KYNU: variants seen among roughly 807,000 people sequenced by gnomAD.
The protein encoded by KYNU is kynureninase.
Under a neutral mutation model 59.2 loss-of-function variants are expected in KYNU, and 54 were observed. The observed-to-expected ratio is 0.91, with a 90% confidence interval of 0.73 to 1.14. The LOEUF is 1.14. Ranked by LOEUF, KYNU falls within the 50% of genes most tolerant of loss-of-function variation. KYNU has a pLI of 0.00. For synonymous variants in KYNU, 177 were observed against 192.0 expected, an observed-to-expected ratio of 0.92 and a Z score of 0.65; for missense variants, 567 against 554.4, an observed-to-expected ratio of 1.02 and a Z score of -0.23.
intron 8 of KYNU, among the ~76,000 whole-genome samples, chr2:142,981,205 G>A (rs1185482614): frequency 6.6e-6 from 1 of 152,042 alleles, no homozygotes. Flanking sequence ...TGTACATAAA[G>A]GTTTGTGGTT....
chr2:142,914,216 T>C (rs1270810445), intron 2 of KYNU, among the ~76,000 whole-genome samples: 1 of 152,218 alleles, frequency 6.6e-6, no homozygotes, highest in East Asian at 1.9e-4. Context: ...CTGGGAACTC[T>C]CACTCATCAA....
At chr2:142,910,556 G>A (rs1573778714) in intron 2 of KYNU, among the ~76,000 whole-genome samples, 1 of 152,084 alleles carries the variant, frequency 6.6e-6, no homozygotes, top group African/African-American at 2.4e-5. Flanking sequence ...TTCTTTTGCT[G>A]TGCAGAAGCT....
At chr2:143,025,276 T>G (rs922178839) in intron 10 of KYNU, among the ~76,000 whole-genome samples, 3 of 152,166 alleles carry the variant, frequency 2.0e-5, no homozygotes, top group Non-Finnish European at 4.4e-5. Flanking sequence ...GCTTGTAGAT[T>G]TCTCCCATTT....
chr2:142,956,551 G>A (rs1279916472), intron 6 of KYNU, among the ~76,000 whole-genome samples: 1 of 152,142 alleles, frequency 6.6e-6, no homozygotes, highest in Non-Finnish European at 1.5e-5. Flanking sequence ...ATCAAGTGCA[G>A]TTATAAATGT....
intron 11 of KYNU, among the ~76,000 whole-genome samples, chr2:143,031,493 GC>G (rs1339650091): frequency 6.6e-6 from 1 of 152,124 alleles, no homozygotes; most frequent in Non-Finnish European, 1.5e-5. Flanking sequence ...GGGAGGCAAG[GC>G]AGATGGATCA....
chr2:142,935,202 G>T (rs113402397), intron 4 of KYNU, among the ~76,000 whole-genome samples: 4,240 of 152,274 alleles, frequency 0.028, 112 homozygotes, highest in African/African-American at 0.069. Context: ...CTTTTCAGCT[G>T]GCTGAGTTTA....
intron 13 of KYNU, among the ~76,000 whole-genome samples, chr2:143,041,044 A>G (rs780680920): frequency 2.7e-4 from 41 of 152,084 alleles, no homozygotes; most frequent in Non-Finnish European, 5.4e-4. Context: ...AAGGGTTAAA[A>G]AAGAAAGTCT....
intron 12 of KYNU, among the ~76,000 whole-genome samples, chr2:143,034,635 T>C (rs939022606): frequency 6.6e-6 from 1 of 152,224 alleles, no homozygotes; most frequent in Non-Finnish European, 1.5e-5. Flanking sequence ...ATAGACACAG[T>C]AACGAGATTT....
chr2:142,912,859 G>A lies in KYNU; in HGVS notation c.170-5750G>A, dbSNP rs185739500. On this transcript the variant is annotated intron_variant, in intron 2 of 13. Transcript: ENST00000264170. ...AAATTAGCTGGGACTACAGGTGCCC[G>A]CCACTGCACCTGGCTAATTTTTTTT... is the stretch of plus-strand genomic sequence containing the variant. Among the ~76,000 whole-genome samples, 304 of 151,586 alleles carry A rather than the reference G, an allele frequency of 2.0e-3. 10 individuals carry two copies. The highest frequency in any genetic ancestry group is 0.018 in the Admixed American group (268 of 15,230).
intron 8 of KYNU, among the ~76,000 whole-genome samples, chr2:142,979,328 A>G (rs1415585070): frequency 1.3e-5 from 2 of 152,194 alleles, no homozygotes; most frequent in African/African-American, 2.4e-5. Flanking sequence ...GAGAATAGCT[A>G]TTGACTTTTG....
intron 4 of KYNU, chr2:142,947,296 T>C: frequency 7.1e-7 from 1 of 1,401,274 alleles, no homozygotes; most frequent in Non-Finnish European, 9.7e-7. Flanking sequence ...AACTCACCAC[T>C]ACACACCTGT....
chr2:142,989,350 A>G (rs1685321841), intron 10 of KYNU: 1 of 1,002,572 alleles, frequency 1.0e-6, no homozygotes, highest in Admixed American at 5.3e-5. Flanking sequence ...AGAGCTTTAG[A>G]GAGACCAAAG....
Position 143,042,697 on chromosome 2 carries a change from T to A in KYNU, c.*525T>A, listed in dbSNP as rs953657934. 1.3e-5 allele frequency: 2 copies of A among 149,794 alleles called. No homozygotes were observed. Among genetic ancestry groups the A allele is most frequent in the Non-Finnish European group, 3.0e-5 (2 of 67,510 alleles). The allele number at this position is 149,794 out of a possible 1,614,324, so 9.3% of individuals were successfully genotyped here. On this transcript the variant is annotated 3_prime_UTR_variant, in exon 14 of 14. Coordinates refer to ENST00000264170, the MANE Select transcript of KYNU (RefSeq NM_003937.3). ...TATATATGATAGTGGCTTTCAAATTTTTTTGGGTACAATCCACATTGCTCC... is the reference window on the plus strand; with the variant it reads ...TATATATGATAGTGGCTTTCAAATTATTTTGGGTACAATCCACATTGCTCC...
rs71423257 is a variant in KYNU, at chr2:143,020,716, G to T, written c.903-8911G>T. On this transcript the variant is annotated intron_variant, in intron 10 of 13. Coordinates refer to ENST00000264170, the MANE Select transcript of KYNU (RefSeq NM_003937.3). ...TGTAGACAATTTATAGGTTCCTTTC[G>T]ATCTTGGACTGTTACTAAAAAGATG... Among the ~76,000 whole-genome samples the T allele has an allele frequency of 9.2e-5, 14 of 152,070 alleles. No individual in the cohort carries two copies. In the South Asian group the frequency reaches 2.9e-3, roughly 31 times the overall value.
At position 143,040,561 on chromosome 2, in the gene KYNU, CT is replaced by C; in HGVS notation, c.1176del (p.Pro393ArgfsTer4). 1 of 1,612,934 alleles carries C rather than the reference CT, an allele frequency of 6.2e-7. No homozygotes were observed. Among genetic ancestry groups the C allele is most frequent in the Non-Finnish European group, 8.5e-7 (1 of 1,179,226 alleles). ...ATKKPVVNIITPSHVEERGCQ... is the reference protein window; with the variant it reads ...ATKKPVVNIIXPSHVEERGCQ... The stretch of plus-strand genomic sequence containing the variant: ...AAGAAACCAGTTGTGAACATAATTA[CT>C]CCGTCTCATGTAGAGGAGCGGGGGT... On this transcript the variant is annotated frameshift_variant, in exon 13 of 14. Transcript: ENST00000264170. LOFTEE classifies it high-confidence loss of function.
At chr2:142,973,179 A>G (rs1212374946) in intron 8 of KYNU, among the ~76,000 whole-genome samples, 2 of 151,590 alleles carry the variant, frequency 1.3e-5, no homozygotes, top group Non-Finnish European at 2.9e-5. Flanking sequence ...TCAAAGAAAA[A>G]ATATATAATC....
chr2:142,959,639 C>T (rs988469768), intron 7 of KYNU, among the ~76,000 whole-genome samples: 2 of 151,846 alleles, frequency 1.3e-5, no homozygotes, highest in African/African-American at 2.4e-5. Flanking sequence ...ACAGGATACA[C>T]ATAGGTACTT....
intron 7 of KYNU, among the ~76,000 whole-genome samples, chr2:142,960,382 A>C (rs1208347357): frequency 6.6e-6 from 1 of 152,182 alleles, no homozygotes; most frequent in Non-Finnish European, 1.5e-5. Flanking sequence ...AGAATAAATC[A>C]AGCAATTCGG....
intron 8 of KYNU, among the ~76,000 whole-genome samples, chr2:142,962,203 C>T (rs187090): frequency 0.17 from 25,672 of 152,150 alleles, 5,450 homozygotes; most frequent in African/African-American, 0.49. Flanking sequence ...CCTTCCTAGA[C>T]ATGAGACAGC....
Sources: allele counts gnomAD v4.1 joint callset (sites outside exome capture counted in the v4.1 genomes callset), GRCh38; gene constraint gnomAD v4.1.1; transcripts MANE v1.5; gene names NCBI Gene and HGNC (gene_info 2026-07-23, HGNC 2026-07-21).